DGKB: variants seen among roughly 807,000 people sequenced by gnomAD.
DGKB encodes the protein 90 kDa diacylglycerol kinase.
DGKB carries 67 observed loss-of-function variants against 114.3 expected under a neutral mutation model. That is an observed-to-expected ratio of 0.59 (90% CI 0.48 to 0.72). DGKB has a LOEUF of 0.72. Ranked by LOEUF, DGKB falls within the 30% of genes least tolerant of loss-of-function variation. DGKB has a pLI of 0.00. For missense variants in DGKB, 907 were observed against 975.2 expected, an observed-to-expected ratio of 0.93 and a Z score of 0.93; for synonymous variants, 398 against 323.1, an observed-to-expected ratio of 1.23 and a Z score of -2.49.
chr7:14,186,136 A>G (rs921195774), intron 23 of DGKB, among the ~76,000 whole-genome samples: 1 of 152,246 alleles, frequency 6.6e-6, no homozygotes, highest in African/African-American at 2.4e-5. Flanking sequence ...AAGGACTAAT[A>G]ACCAGAATCT....
chr7:14,269,662 C>G (rs967896480), intron 23 of DGKB, among the ~76,000 whole-genome samples: 2 of 152,112 alleles, frequency 1.3e-5, no homozygotes, highest in African/African-American at 4.8e-5. Flanking sequence ...ATAGCTAGAT[C>G]AGGAGAAATA....
chr7:14,974,130 G>A (rs1260954102), intron 1 of DGKB, among the ~76,000 whole-genome samples: 1 of 151,844 alleles, frequency 6.6e-6, no homozygotes, highest in Non-Finnish European at 1.5e-5. Context: ...CCAAATGTCA[G>A]AATACTGACA....
intron 2 of DGKB, among the ~76,000 whole-genome samples, chr7:14,758,913 A>G (rs1835275915): frequency 6.7e-6 from 1 of 148,640 alleles, no homozygotes; most frequent in Admixed American, 6.6e-5. Flanking sequence ...AGATAGATAG[A>G]TAGATAGATA....
At chr7:14,575,272 A>G (rs1010835140) in intron 19 of DGKB, among the ~76,000 whole-genome samples, 2 of 152,184 alleles carry the variant, frequency 1.3e-5, no homozygotes, top group African/African-American at 2.4e-5. Context: ...AGTACACCAC[A>G]TTGTCATTAC....
chr7:14,594,741 T>C (rs543996413), intron 17 of DGKB, among the ~76,000 whole-genome samples: 122 of 152,204 alleles, frequency 8.0e-4, no homozygotes, highest in African/African-American at 2.9e-3. Context: ...GATCATTCCA[T>C]GGAGTTAGCT....
At chr7:14,845,190 T>G (rs533604112) in intron 1 of DGKB, among the ~76,000 whole-genome samples, 1 of 149,174 alleles carries the variant, frequency 6.7e-6, no homozygotes, top group Admixed American at 6.7e-5. Flanking sequence ...TTATGAGAAA[T>G]TCAAATTTAA....
At chr7:14,689,195 T>G (rs1307366134) in intron 9 of DGKB, among the ~76,000 whole-genome samples, 6 of 126,500 alleles carry the variant, frequency 4.7e-5, no homozygotes, top group African/African-American at 1.6e-4. Flanking sequence ...CAGAAACTCC[T>G]CTTATTTTTT....
chr7:14,560,770 A>G (rs1436068779), intron 20 of DGKB, among the ~76,000 whole-genome samples: 1 of 152,166 alleles, frequency 6.6e-6, no homozygotes, highest in Non-Finnish European at 1.5e-5. Flanking sequence ...TCATTTTTTG[A>G]GAAACCTCCA....
At chr7:14,815,766 A>T (rs1844049251) in intron 2 of DGKB, among the ~76,000 whole-genome samples, 1 of 152,136 alleles carries the variant, frequency 6.6e-6, no homozygotes, top group Admixed American at 6.6e-5. Context: ...TTCCTTATTC[A>T]ACAGCAGCAC....
intron 23 of DGKB, among the ~76,000 whole-genome samples, chr7:14,267,016 CT>C (rs780234721): frequency 1.3e-5 from 2 of 151,960 alleles, no homozygotes; most frequent in Non-Finnish European, 2.9e-5. Flanking sequence ...TGGTTTCCCC[CT>C]AGAGATGTCT....
intron 21 of DGKB, among the ~76,000 whole-genome samples, chr7:14,349,266 C>G (rs1387890450): frequency 3.3e-5 from 5 of 152,038 alleles, no homozygotes; most frequent in Admixed American, 1.3e-4. Context: ...TAGATTATCT[C>G]TGAATGCATA....
chr7:14,598,238 T>C (rs1410792644), intron 17 of DGKB, among the ~76,000 whole-genome samples: 1 of 152,170 alleles, frequency 6.6e-6, no homozygotes, highest in African/African-American at 2.4e-5. Context: ...CACTCTGATA[T>C]AAAAATGGCA....
intron 17 of DGKB, among the ~76,000 whole-genome samples, chr7:14,586,147 T>C (rs1800724115): frequency 6.6e-6 from 1 of 152,136 alleles, no homozygotes; most frequent in South Asian, 2.1e-4. Context: ...GCTAGCCATT[T>C]TGTGCCAGTA....
chr7:14,386,132 G>A (rs1820302369), intron 21 of DGKB, among the ~76,000 whole-genome samples: 1 of 152,214 alleles, frequency 6.6e-6, no homozygotes, highest in African/African-American at 2.4e-5. Flanking sequence ...CACATGCCAT[G>A]TGGGAAATGT....
At chr7:14,273,553 T>C (rs944866269) in intron 23 of DGKB, among the ~76,000 whole-genome samples, 2 of 152,212 alleles carry the variant, frequency 1.3e-5, no homozygotes, top group African/African-American at 2.4e-5. Flanking sequence ...ATTTATTACA[T>C]TGTTGTATTG....
intron 23 of DGKB, among the ~76,000 whole-genome samples, chr7:14,259,653 T>C (rs1389999406): frequency 1.3e-5 from 2 of 152,130 alleles, no homozygotes; most frequent in African/African-American, 4.8e-5. Context: ...CTTGAACTCC[T>C]GGCCTCAGGT....
chr7:14,503,881 T>C (rs1343202409), intron 20 of DGKB, among the ~76,000 whole-genome samples: 2 of 152,152 alleles, frequency 1.3e-5, no homozygotes, highest in African/African-American at 2.4e-5. Flanking sequence ...CACAGAAGCA[T>C]TAGCAATAGA....
At chr7:14,407,981 C>T (rs540827409) in intron 21 of DGKB, among the ~76,000 whole-genome samples, 2 of 152,090 alleles carry the variant, frequency 1.3e-5, no homozygotes, top group Non-Finnish European at 2.9e-5. Flanking sequence ...AGAAACTACC[C>T]TCCCCCAATC....
At chr7:14,802,082 G>A (rs985361692) in intron 2 of DGKB, among the ~76,000 whole-genome samples, 5 of 151,898 alleles carry the variant, frequency 3.3e-5, no homozygotes, top group Admixed American at 1.3e-4. Flanking sequence ...GTAATATTAC[G>A]ATTGCTGTCC....
Sources: gnomAD v4.1 joint callset for allele counts (sites outside exome capture counted in the v4.1 genomes callset) on GRCh38, gnomAD v4.1.1 for gene constraint, MANE v1.5 for transcripts, NCBI Gene and HGNC (gene_info 2026-07-23, HGNC 2026-07-21) for gene names.